Variants in TENM3 observed in about 807,000 individuals in gnomAD.
TENM3 encodes the protein teneurin-3.
Under a neutral mutation model 255.1 loss-of-function variants are expected in TENM3, and 63 were observed. That is an observed-to-expected ratio of 0.25 (90% CI 0.20 to 0.30). The LOEUF (loss-of-function observed/expected upper bound fraction) is 0.30. TENM3 is among the 10% of genes least tolerant of loss of function. The pLI is 1.00. For missense variants in TENM3, 2,929 were observed against 3,461.1 expected (o/e 0.85, Z 3.86); for synonymous variants, 1,306 against 1,322.3 (o/e 0.99, Z 0.27).
chr4:182,673,293 C>A (rs1755381224), intron 7 of TENM3, 74 bp downstream of exon 7: 2 of 1,071,326 alleles, frequency 1.9e-6, no homozygotes, highest in Non-Finnish European at 2.7e-6. Flanking sequence ...CTTTCTTAAG[C>A]TCAGCTGTTT....
chr4:182,011,158 T>A, the TENM3 span, among the ~76,000 whole-genome samples: 1 of 152,236 alleles, frequency 6.6e-6, no homozygotes, highest in Non-Finnish European at 1.5e-5. Context: ...TCCAGCTCCA[T>A]GTATTCTACT....
intron 2 of TENM3, among the ~76,000 whole-genome samples, chr4:182,328,257 C>G (rs1763534992): frequency 6.6e-6 from 1 of 152,026 alleles, no homozygotes; most frequent in Admixed American, 6.6e-5. Context: ...ACTCTGTCGC[C>G]CAGGCTGGAG....
the TENM3 span, among the ~76,000 whole-genome samples, chr4:181,746,645 ACT>A: frequency 6.6e-6 from 1 of 151,894 alleles, no homozygotes. Flanking sequence ...TATAAGTATG[ACT>A]CTGCTTACTT....
the TENM3 span, chr4:181,820,130 T>G: frequency 3.3e-5 from 5 of 152,170 alleles, no homozygotes; most frequent in Non-Finnish European, 7.3e-5. Flanking sequence ...ACTTGGAAGT[T>G]GTCCAGGAGG....
chr4:181,928,443 C>A, the TENM3 span, among the ~76,000 whole-genome samples: 4 of 151,302 alleles, frequency 2.6e-5, no homozygotes, highest in African/African-American at 9.7e-5. Context: ...AATTGAAGAT[C>A]AACTTGATGA....
chr4:181,593,136 A>G, the TENM3 span, among the ~76,000 whole-genome samples: 1 of 152,226 alleles, frequency 6.6e-6, no homozygotes, highest in Non-Finnish European at 1.5e-5. Context: ...TTATGCCACA[A>G]TCACTTCTTA....
At chr4:182,487,157 G>A (rs1462134465) in intron 3 of TENM3, among the ~76,000 whole-genome samples, 2 of 152,184 alleles carry the variant, frequency 1.3e-5, no homozygotes, top group African/African-American at 4.8e-5. Context: ...GGGATACAAT[G>A]TGGAAGAGAA....
intron 24 of TENM3, among the ~76,000 whole-genome samples, chr4:182,786,982 A>G (rs1765715164): frequency 2.0e-5 from 3 of 152,356 alleles, no homozygotes; most frequent in Admixed American, 2.0e-4. Context: ...GAGTGCAGGT[A>G]TAAGCTGAAG....
chr4:182,149,955 C>G (rs1340829519), intron 1 of TENM3, among the ~76,000 whole-genome samples: 1 of 151,986 alleles, frequency 6.6e-6, no homozygotes, highest in Non-Finnish European at 1.5e-5. Flanking sequence ...TTCACACTTG[C>G]ATTTAATGAT....
intron 1 of TENM3, among the ~76,000 whole-genome samples, chr4:182,168,707 A>T (rs1235595114): frequency 6.6e-6 from 1 of 152,196 alleles, no homozygotes; most frequent in African/African-American, 2.4e-5. Flanking sequence ...AAAGTTTAAG[A>T]TGTAACTTTA....
the TENM3 span, among the ~76,000 whole-genome samples, chr4:182,125,262 G>A: frequency 2.6e-5 from 4 of 152,126 alleles, no homozygotes; most frequent in Admixed American, 1.3e-4. Flanking sequence ...CTTCCATCTC[G>A]ATGATCACAT....
chr4:181,759,063 C>T, the TENM3 span, among the ~76,000 whole-genome samples: 1 of 152,044 alleles, frequency 6.6e-6, no homozygotes, highest in African/African-American at 2.4e-5. Context: ...ACAATTTAAC[C>T]ATTTAAAATC....
Position 182,619,259 on chromosome 4 carries a change from C to T in TENM3, c.750-9392C>T, listed in dbSNP as rs374287564. ...TGGCCAACATGGTGAAACCCTGTCT[C>T]TACTAAAAATAATTAAAAAAAATTA... is the stretch of plus-strand genomic sequence containing the variant. On this transcript the variant is annotated intron_variant, in intron 4 of 27. Coordinates refer to ENST00000511685, the MANE Select transcript of TENM3 (RefSeq NM_001080477.4). Among the ~76,000 whole-genome samples, 14 of 151,828 alleles carry T rather than the reference C, an allele frequency of 9.2e-5. No homozygotes were observed. The South Asian group carries it at 2.7e-3, about 29-fold the overall frequency.
the TENM3 span, among the ~76,000 whole-genome samples, chr4:182,031,447 G>T: frequency 2.0e-5 from 3 of 152,250 alleles, no homozygotes; most frequent in East Asian, 5.8e-4. Context: ...TGCTGTTTTG[G>T]TTACTGTAGC....
chr4:181,493,813 G>A, the TENM3 span, among the ~76,000 whole-genome samples: 3 of 152,068 alleles, frequency 2.0e-5, no homozygotes, highest in Non-Finnish European at 4.4e-5. Context: ...CTAAAGCTTT[G>A]ACATTCGCCT....
chr4:182,011,049 T>C, the TENM3 span, among the ~76,000 whole-genome samples: 2 of 152,180 alleles, frequency 1.3e-5, no homozygotes, highest in African/African-American at 2.4e-5. Context: ...ATGTCTACAG[T>C]CTCCCAAGAA....
the TENM3 span, among the ~76,000 whole-genome samples, chr4:181,478,667 ACTTT>A: frequency 2.0e-5 from 3 of 152,292 alleles, no homozygotes; most frequent in East Asian, 1.9e-4. Flanking sequence ...TCTTCAGCAT[ACTTT>A]CTTTAAGTAT....
At chr4:182,694,173 G>A (rs369947591) in intron 12 of TENM3, among the ~76,000 whole-genome samples, 96 of 151,860 alleles carry the variant, frequency 6.3e-4, no homozygotes, top group African/African-American at 2.1e-3. Context: ...GCGGTGATAC[G>A]GTCACGGCTC....
chr4:182,755,197 C>T lies in TENM3; in HGVS notation c.4830C>T (p.Tyr1610=), dbSNP rs367711434. ...AQGLELVLFT[Y]HGNSGLLATK... The stretch of plus-strand genomic sequence containing the variant: ...GACTGGAATTAGTTTTGTTTACTTA[C>T]CATGGCAATAGTGGCCTTTTAGCCA... Residue 1610 remains tyrosine, a synonymous_variant, in exon 22 of 28, where the codon TAC becomes TAT. Coordinates refer to ENST00000511685, the MANE Select transcript of TENM3 (RefSeq NM_001080477.4). The T allele has an allele frequency of 4.3e-6, 7 of 1,612,414 alleles. No homozygotes were observed. The highest frequency in any genetic ancestry group is 2.7e-5 in the African/African-American group (2 of 74,912).
Sources: gnomAD v4.1 joint callset for allele counts (sites outside exome capture counted in the v4.1 genomes callset) on GRCh38, gnomAD v4.1.1 for gene constraint, MANE v1.5 for transcripts, NCBI Gene and HGNC (gene_info 2026-07-23, HGNC 2026-07-21) for gene names.